Variants in IGLON5 observed in about 807,000 individuals in gnomAD.
IGLON5 encodes Ig-like domain-containing protein ENSP00000270642.
In IGLON5, 16 loss-of-function variants were observed where a neutral mutation model predicts 38.2. The observed-to-expected ratio is 0.42, with a 90% confidence interval of 0.28 to 0.64. The LOEUF (loss-of-function observed/expected upper bound fraction) is 0.64. Ranked by LOEUF, IGLON5 falls within the 30% of genes least tolerant of loss-of-function variation. The pLI is 0.23. For synonymous variants in IGLON5, 207 were observed against 216.4 expected, an observed-to-expected ratio of 0.96 and a Z score of 0.38; for missense variants, 366 against 483.4, an observed-to-expected ratio of 0.76 and a Z score of 2.28.
At chr19:51,320,033 A>ATGTGTGTG (rs59294317) in intron 1 of IGLON5, among the ~76,000 whole-genome samples, 1 of 151,224 alleles carries the variant, frequency 6.6e-6, no homozygotes, top group Non-Finnish European at 1.5e-5. Context: ...CTGTGTGTGT[A>ATGTGTGTG]TGTGTGTGTG....
Position 51,328,865 on chromosome 19 carries a change from G to A in IGLON5, c.*106G>A. ...GTCTCGTGGGGGCAGAAGAGCTCTC[G>A]GCCACCAAGGAAGAAGAGAGAGGAG... On this transcript the variant is annotated 3_prime_UTR_variant, in exon 8 of 8. Transcript: ENST00000270642. The A allele has an allele frequency of 7.5e-6, 5 of 662,882 alleles. No individual in the cohort carries two copies. Among genetic ancestry groups the A allele is most frequent in the Admixed American group, 6.9e-5 (2 of 29,066 alleles). 41.1% of individuals were successfully genotyped at this position (662,882 alleles called of 1,614,324 possible). A position where few individuals can be genotyped will look rare whatever the true frequency, so the allele number is the denominator to read the frequency against.
intron 1 of IGLON5, among the ~76,000 whole-genome samples, chr19:51,313,649 T>C (rs1042484134): frequency 3.1e-5 from 2 of 64,280 alleles, no homozygotes; most frequent in Non-Finnish European, 5.7e-5. Flanking sequence ...CTCTCTCTTT[T>C]TCTTTCTTTC....
intron 1 of IGLON5, among the ~76,000 whole-genome samples, chr19:51,320,763 T>G (rs909430934): frequency 6.6e-6 from 1 of 152,224 alleles, no homozygotes; most frequent in East Asian, 1.9e-4. Context: ...CGTGTTCATA[T>G]CTGTGTGTCT....
Position 51,325,369 on chromosome 19 carries a change from T to C in IGLON5, c.415T>C (p.Ser139Pro). 1 of 1,613,774 alleles carries C rather than the reference T, an allele frequency of 6.2e-7. No homozygotes were observed. The highest frequency in any genetic ancestry group is 8.5e-7 in the Non-Finnish European group (1 of 1,179,792). ...VHVPARIVNI[S>P]SPVTVNEGGN... Reference sequence around the variant, plus strand: ...AGTCCCTGCCCGCATTGTGAACATCTCGTCGCCTGTGACGGTGAATGAGGG... The same window carrying C: ...AGTCCCTGCCCGCATTGTGAACATCCCGTCGCCTGTGACGGTGAATGAGGG... Residue 139 changes from serine to proline, a missense_variant, in exon 4 of 8, where the codon TCG becomes CCG. Transcript: ENST00000270642. The surrounding 1 kb of genome is among the most constrained non-coding windows in gnomAD (Gnocchi z 5.5).
In IGLON5 at chr19:51,325,252, G is replaced by C. The variant is rs1434886214; in HGVS notation, c.392-94G>C. 1.2e-5 allele frequency: 18 copies of C among 1,533,442 alleles called. No individual in the cohort carries two copies. Among genetic ancestry groups the C allele is most frequent in the Non-Finnish European group, 1.6e-5 (18 of 1,135,130 alleles). The allele number at this position is 1,533,442 out of a possible 1,614,324, so 95.0% of individuals were successfully genotyped here. ...AACTCCTGGGTCTGAGGGAGGAGGA[G>C]GGGCTGGGGGTCTGGACTCCTGGGT... On this transcript the variant is annotated intron_variant, in intron 3 of 7. Transcript: ENST00000270642. The surrounding 1 kb of genome is among the most constrained non-coding windows in gnomAD (Gnocchi z 5.5).
Position 51,327,171 on chromosome 19 carries a change from G to C in IGLON5, c.738G>C (p.Ala246=). 1 of 1,612,466 alleles carries C rather than the reference G, an allele frequency of 6.2e-7. No individual in the cohort carries two copies. The highest frequency in any genetic ancestry group is 8.5e-7 in the Non-Finnish European group (1 of 1,179,666). The change falls in exon 6 of 8, where the codon GCG becomes GCC. Residue 246 remains alanine, a synonymous_variant. Coordinates refer to ENST00000270642, the MANE Select transcript of IGLON5 (RefSeq NM_001101372.3). The surrounding 1 kb of genome is among the most constrained non-coding windows in gnomAD (Gnocchi z 7.1). ...LRCEAMAVPP[A]DFQWYKDDRL... is the part of the protein sequence containing the mutation. ...GCGAAGCCATGGCGGTTCCCCCCGCGGATTTCCAGTGGTACAAGGATGACA... is the reference window on the plus strand; with the variant it reads ...GCGAAGCCATGGCGGTTCCCCCCGCCGATTTCCAGTGGTACAAGGATGACA...
At chr19:51,312,156 G>A (rs1568456387) in intron 1 of IGLON5, among the ~76,000 whole-genome samples, 1 of 152,112 alleles carries the variant, frequency 6.6e-6, no homozygotes, top group Non-Finnish European at 1.5e-5. Flanking sequence ...TCGGGCCGGA[G>A]CCGGGTCTAG....
intron 1 of IGLON5, 80 bp from the exon 2 acceptor site, chr19:51,321,984 C>T (rs34297802): frequency 0.24 from 269,461 of 1,114,602 alleles, 35,744 homozygotes; most frequent in African/African-American, 0.34. Flanking sequence ...CAAGGACGTG[C>T]GTGTGCACAT....
chr19:51,328,573 G>C (rs10407142), intron 7 of IGLON5, 98 bp from the exon 8 acceptor site: 23,612 of 552,658 alleles, frequency 0.043, 4,607 homozygotes, highest in African/African-American at 0.42. Context: ...CAGAAAGGAC[G>C]CTAAAGAGTG....
intron 1 of IGLON5, 60 bp downstream of exon 1, chr19:51,311,986 C>T (rs1001095556): frequency 3.1e-5 from 28 of 893,102 alleles, no homozygotes; most frequent in African/African-American, 8.8e-5. Context: ...GGTGGGTAAT[C>T]GGGGGATCAG....
intron 1 of IGLON5, among the ~76,000 whole-genome samples, chr19:51,312,599 C>T (rs1307451719): frequency 3.3e-5 from 5 of 151,862 alleles, no homozygotes; most frequent in Non-Finnish European, 7.4e-5. Flanking sequence ...GCTGGAGATA[C>T]AGGAAGTTGG....
intron 4 of IGLON5, among the ~76,000 whole-genome samples, chr19:51,326,055 G>A (rs1428775749): frequency 2.0e-5 from 3 of 152,060 alleles, no homozygotes; most frequent in East Asian, 3.9e-4. Context: ...ATATATGACA[G>A]TCCAGGTCCT....
intron 3 of IGLON5, 44 bp downstream of exon 3, chr19:51,323,938 C>T (rs767153057): frequency 8.0e-6 from 11 of 1,371,496 alleles, no homozygotes; most frequent in Middle Eastern, 1.8e-4. Flanking sequence ...GGGTTGAGAG[C>T]GTGGGGGAGA....
At chr19:51,314,230 C>A (rs1279663251) in intron 1 of IGLON5, among the ~76,000 whole-genome samples, 2 of 145,050 alleles carry the variant, frequency 1.4e-5, no homozygotes, top group Admixed American at 1.4e-4. Flanking sequence ...TGCTGCCAGG[C>A]TGGAGTGTAG....
Position 51,329,365 on chromosome 19 carries a change from G to T in IGLON5, c.*606G>T, listed in dbSNP as rs1337809673. On this transcript the variant is annotated 3_prime_UTR_variant, in exon 8 of 8. Coordinates refer to ENST00000270642, the MANE Select transcript of IGLON5 (RefSeq NM_001101372.3). This position sits in a 1 kb window ranked among gnomAD's most constrained non-coding sequence, Gnocchi z 4.3. Reference sequence around the variant, plus strand: ...CCTGGCAGGTTGGGAGTGGGGAGGGGCATCGCACTCACCTGTCAAGCTGTC... The same window carrying T: ...CCTGGCAGGTTGGGAGTGGGGAGGGTCATCGCACTCACCTGTCAAGCTGTC... 6.6e-6 allele frequency: 1 copy of T among 152,198 alleles called. No individual in the cohort carries two copies. Among genetic ancestry groups the T allele is most frequent in the Non-Finnish European group, 1.5e-5 (1 of 68,070 alleles). The allele number at this position is 152,198 out of a possible 1,614,324, so 9.4% of individuals were successfully genotyped here.
intron 1 of IGLON5, 77 bp downstream of exon 1, chr19:51,312,003 G>T: frequency 1.3e-6 from 1 of 788,264 alleles, no homozygotes; most frequent in Non-Finnish European, 1.7e-6. Flanking sequence ...TCAGGGGTGG[G>T]GGTCGAGGGC....
chr19:51,325,205 G>T lies in IGLON5; in HGVS notation c.392-141G>T, dbSNP rs1429636207. On this transcript the variant is annotated intron_variant, in intron 3 of 7. Coordinates refer to ENST00000270642, the MANE Select transcript of IGLON5 (RefSeq NM_001101372.3). This position sits in a 1 kb window ranked among gnomAD's most constrained non-coding sequence, Gnocchi z 5.5. The stretch of plus-strand genomic sequence containing the variant: ...TGCGGGTCTGAACTCCCGGGTCTGA[G>T]GGAGGAGGGGCTGGGGGTCTGAACT... The T allele has an allele frequency of 1.7e-6, 2 of 1,205,988 alleles. No homozygotes were observed. Among genetic ancestry groups the T allele is most frequent in the South Asian group, 1.4e-5 (1 of 71,248 alleles). The allele number at this position is 1,205,988 out of a possible 1,614,324, so 74.7% of individuals were successfully genotyped here.
rs1343716813 is a variant in IGLON5 at position 51,330,553 on chromosome 19, A to G, written c.*1794A>G. On this transcript the variant is annotated 3_prime_UTR_variant, in exon 8 of 8. Coordinates refer to ENST00000270642, the MANE Select transcript of IGLON5 (RefSeq NM_001101372.3). Reference sequence around the variant, plus strand: ...GCCCATTTCCCACCGTGATTGGCTCAGAGATGGGCACATGACCCAGTAAGG... The same window carrying G: ...GCCCATTTCCCACCGTGATTGGCTCGGAGATGGGCACATGACCCAGTAAGG... Among the ~76,000 whole-genome samples the G allele has an allele frequency of 6.6e-6, 1 of 152,212 alleles. No homozygotes were observed. The highest frequency in any genetic ancestry group is 1.9e-4 in the East Asian group (1 of 5,200).
In IGLON5 at chr19:51,316,071, C is replaced by T. The variant is rs1031947144; in HGVS notation, c.79+4145C>T. 2.4e-4 allele frequency among the ~76,000 whole-genome samples: 36 copies of T among 150,816 alleles called. 1 individual carries two copies. The highest frequency in any genetic ancestry group is 2.0e-3 in the Admixed American group (31 of 15,150). On this transcript the variant is annotated intron_variant, in intron 1 of 7. Transcript: ENST00000270642. ...CAACAGAAAGGAGGGTAAAGCTGGG[C>T]GCAGTGGCTCACACCTGTAATCCCA...
Sources: gnomAD v4.1 joint callset for allele counts (sites outside exome capture counted in the v4.1 genomes callset) on GRCh38, gnomAD v4.1.1 for gene constraint, Gnocchi (gnomAD v3.1) non-coding constraint, MANE v1.5 for transcripts, NCBI Gene and HGNC (gene_info 2026-07-23, HGNC 2026-07-21) for gene names.